The following BMPR1B variants were observed in gnomAD, a reference collection of about 807,000 sequenced individuals.
BMPR1B encodes the protein bone morphogenetic protein receptor type 1B.
In BMPR1B, 12 loss-of-function variants were observed where a neutral mutation model predicts 59.1. The ratio of observed to expected loss-of-function variants is 0.20; its 90% confidence interval spans 0.13 to 0.33. BMPR1B has a LOEUF of 0.33. BMPR1B is among the 10% of genes least tolerant of loss of function. The pLI is 1.00. For missense variants in BMPR1B, 550 were observed against 610.9 expected (o/e 0.90, Z 1.05); for synonymous variants, 237 against 207.3 (o/e 1.14, Z -1.23).
chr4:94,954,895 C>A (rs1037478935), intron 2 of BMPR1B, among the ~76,000 whole-genome samples: 1 of 152,146 alleles, frequency 6.6e-6, no homozygotes, highest in African/African-American at 2.4e-5. Context: ...TGCTCTTTTA[C>A]TGGTAATTCT....
At chr4:94,966,620 A>T (rs1385665728) in intron 2 of BMPR1B, among the ~76,000 whole-genome samples, 1 of 152,162 alleles carries the variant, frequency 6.6e-6, no homozygotes, top group Non-Finnish European at 1.5e-5. Flanking sequence ...TAAACAATGA[A>T]CTCTATACTC....
Position 95,092,107 on chromosome 4 carries a change from A to T in BMPR1B, c.-17-12301A>T, listed in dbSNP as rs566453062. 8.5e-5 allele frequency among the ~76,000 whole-genome samples: 13 copies of T among 152,240 alleles called. No homozygotes were observed. The South Asian group carries it at 1.5e-3, about 17-fold the overall frequency. ...AGGTCTAGGTTTCTTTCTTGCAAGT[A>T]TGAGTTTTAAAAAATGCAAAATGAT... On this transcript the variant is annotated intron_variant, in intron 3 of 12. Transcript: ENST00000515059.
intron 2 of BMPR1B, among the ~76,000 whole-genome samples, chr4:94,963,416 C>T (rs893895788): frequency 1.2e-4 from 18 of 152,064 alleles, no homozygotes; most frequent in South Asian, 2.1e-4. Context: ...AAAATACTTG[C>T]CCCGACCAAC....
intron 1 of BMPR1B, among the ~76,000 whole-genome samples, chr4:94,868,554 A>G (rs1221122602): frequency 6.6e-6 from 1 of 152,210 alleles, no homozygotes; most frequent in Non-Finnish European, 1.5e-5. Context: ...GGGAGACCAA[A>G]TGAAATCCTG....
At chr4:94,924,382 A>G (rs910650997) in intron 2 of BMPR1B, among the ~76,000 whole-genome samples, 1 of 152,128 alleles carries the variant, frequency 6.6e-6, no homozygotes, top group Non-Finnish European at 1.5e-5. Context: ...TGGAGAACCT[A>G]TTAGGATACC....
chr4:95,065,408 G>A (rs995131031), intron 3 of BMPR1B, among the ~76,000 whole-genome samples: 4 of 152,052 alleles, frequency 2.6e-5, no homozygotes, highest in African/African-American at 9.7e-5. Context: ...AAAAAGCAAT[G>A]ATTTGTACAT....
At chr4:94,822,813 G>A (rs867784996) in intron 1 of BMPR1B, among the ~76,000 whole-genome samples, 2 of 152,086 alleles carry the variant, frequency 1.3e-5, no homozygotes, top group Non-Finnish European at 2.9e-5. Context: ...AAATAGCAAG[G>A]TTACCTCATA....
intron 3 of BMPR1B, among the ~76,000 whole-genome samples, chr4:95,104,126 A>G (rs759268116): frequency 1.2e-4 from 18 of 152,036 alleles, no homozygotes; most frequent in Non-Finnish European, 2.4e-4. Context: ...TGTCTATATA[A>G]TGTCTCATTG....
intron 1 of BMPR1B, among the ~76,000 whole-genome samples, chr4:94,797,588 T>G (rs1195524973): frequency 6.6e-6 from 1 of 152,050 alleles, no homozygotes; most frequent in Non-Finnish European, 1.5e-5. Context: ...TGATTAAGAG[T>G]TCAGTATATT....
rs139702266 is a variant in BMPR1B at position 95,066,561 on chromosome 4, G to A, written c.-17-37847G>A. Among the ~76,000 whole-genome samples the A allele has an allele frequency of 3.9e-4, 59 of 152,278 alleles. No homozygotes were observed. The East Asian group carries it at 0.011, about 28-fold the overall frequency. ...TTCTAGAGCTTGTAAACATAGGAGCGATTGGAATAGTTTAAGCAAAGTCAA... is the reference window on the plus strand; with the variant it reads ...TTCTAGAGCTTGTAAACATAGGAGCAATTGGAATAGTTTAAGCAAAGTCAA... On this transcript the variant is annotated intron_variant, in intron 3 of 12. Transcript: ENST00000515059.
intron 1 of BMPR1B, among the ~76,000 whole-genome samples, chr4:94,797,607 C>T (rs1578655629): frequency 2.0e-5 from 3 of 152,136 alleles, no homozygotes; most frequent in Admixed American, 2.0e-4. Flanking sequence ...TTCACATTGT[C>T]CTGGGTTGGA....
intron 1 of BMPR1B, among the ~76,000 whole-genome samples, chr4:94,874,335 G>C (rs1196386047): frequency 6.6e-6 from 1 of 151,896 alleles, no homozygotes; most frequent in African/African-American, 2.4e-5. Context: ...GGAATTGCTG[G>C]GTCATATAGT....
intron 1 of BMPR1B, among the ~76,000 whole-genome samples, chr4:94,776,714 AGAGTCAG>A (rs1265004367): frequency 6.6e-6 from 1 of 152,226 alleles, no homozygotes; most frequent in Non-Finnish European, 1.5e-5. Context: ...GTAATACCCC[AGAGTCAG>A]AATCCATCCA....
At chr4:94,766,065 G>A (rs1429368221) in intron 1 of BMPR1B, among the ~76,000 whole-genome samples, 6 of 152,284 alleles carry the variant, frequency 3.9e-5, no homozygotes, top group Admixed American at 2.0e-4. Context: ...TTAGAACAGT[G>A]ATAGGTACAT....
At chr4:95,051,305 A>G (rs1726482056) in intron 3 of BMPR1B, among the ~76,000 whole-genome samples, 1 of 152,212 alleles carries the variant, frequency 6.6e-6, no homozygotes, top group Admixed American at 6.5e-5. Flanking sequence ...AAACTATTTT[A>G]TGACAGCAGC....
chr4:94,807,277 G>T (rs1191736010), intron 1 of BMPR1B, among the ~76,000 whole-genome samples: 1 of 151,980 alleles, frequency 6.6e-6, no homozygotes. Context: ...GCAGTTTTTA[G>T]TACAGATGGG....
intron 2 of BMPR1B, among the ~76,000 whole-genome samples, chr4:94,884,387 G>A (rs534314084): frequency 6.6e-6 from 1 of 152,242 alleles, no homozygotes; most frequent in South Asian, 2.1e-4. Context: ...TTAGCTGGGT[G>A]TGGTGGCAGG....
chr4:94,958,991 A>T (rs1730259609), intron 2 of BMPR1B, among the ~76,000 whole-genome samples: 1 of 152,120 alleles, frequency 6.6e-6, no homozygotes, highest in African/African-American at 2.4e-5. Context: ...AAACACGAGG[A>T]AGCTGATTTG....
rs1041946401 is a variant in BMPR1B, at chr4:95,095,867, TA to T, written c.-17-8536del. ...TAAAACAGTCCTTTATATCACAAAT[TA>T]AAAATTTTTTATTTATGATATTTTT... On this transcript the variant is annotated intron_variant, in intron 3 of 12. Coordinates refer to ENST00000515059, the MANE Select transcript of BMPR1B (RefSeq NM_001203.3). 1.3e-4 allele frequency among the ~76,000 whole-genome samples: 20 copies of T among 151,900 alleles called. 1 individual carries two copies. Among genetic ancestry groups the T allele is most frequent in the Admixed American group, 9.2e-4 (14 of 15,204 alleles).
Sources: gnomAD v4.1 joint callset for allele counts (sites outside exome capture counted in the v4.1 genomes callset) on GRCh38, gnomAD v4.1.1 for gene constraint, MANE v1.5 for transcripts, NCBI Gene and HGNC (gene_info 2026-07-23, HGNC 2026-07-21) for gene names.